CCDC88A: variants seen among roughly 807,000 people sequenced by gnomAD.
CCDC88A encodes the protein girdin.
A neutral mutation model predicts 234.3 loss-of-function variants in CCDC88A; 54 were observed. The observed-to-expected ratio is 0.23, with a 90% CI of 0.19 to 0.29. The LOEUF is 0.29. Ranked by LOEUF, CCDC88A falls within the 10% of genes least tolerant of loss-of-function variation. The pLI is 1.00. For synonymous variants in CCDC88A, 753 were observed against 737.8 expected (o/e 1.02, Z -0.33); for missense variants, 1,832 against 2,123.4 (o/e 0.86, Z 2.70).
intron 3 of CCDC88A, among the ~76,000 whole-genome samples, chr2:55,380,656 C>G (rs1460980481): frequency 2.0e-5 from 3 of 152,112 alleles, no homozygotes; most frequent in African/African-American, 7.2e-5. Context: ...TGCTCTGTCA[C>G]CCAGGCCAGA....
intron 2 of CCDC88A, among the ~76,000 whole-genome samples, chr2:55,409,665 G>A (rs553402968): frequency 4.6e-5 from 7 of 151,086 alleles, no homozygotes; most frequent in African/African-American, 1.2e-4. Context: ...GTCCAACTCC[G>A]GCCCTCCTCG....
In CCDC88A at chr2:55,419,743, A is replaced by AC. The variant is rs1400686862; in HGVS notation, c.-665dup. The AC allele has an allele frequency of 6.6e-6, 1 of 151,114 alleles. No homozygotes were observed. The allele number at this position is 151,114 out of a possible 1,614,324, so 9.4% of individuals were successfully genotyped here. On this transcript the variant is annotated 5_prime_UTR_variant, in exon 1 of 33. Transcript: ENST00000436346. ...GTGGGGGCTTGAATGTGTGTCCCTAACCCCCCAGCTTCCTAAGCCCTGCCA... is the reference window on the plus strand; with the variant it reads ...GTGGGGGCTTGAATGTGTGTCCCTAACCCCCCCAGCTTCCTAAGCCCTGCCA...
intron 25 of CCDC88A, among the ~76,000 whole-genome samples, chr2:55,305,338 T>C (rs1681419537): frequency 6.6e-6 from 1 of 152,206 alleles, no homozygotes; most frequent in African/African-American, 2.4e-5. Flanking sequence ...ATACTGAAAT[T>C]AAGGGAACAT....
chr2:55,359,101 G>C (rs1670961003), intron 7 of CCDC88A, among the ~76,000 whole-genome samples: 1 of 151,986 alleles, frequency 6.6e-6, no homozygotes, highest in African/African-American at 2.4e-5. Context: ...CTCATATTTT[G>C]TACTTACAAA....
At position 55,317,357 on chromosome 2, in the gene CCDC88A, GA is replaced by G. The variant is rs773049643; in HGVS notation, c.3603-9del. Reference sequence around the variant, plus strand: ...TTTAATAACTGATTGTAACTGGGGGGAAAAAAGGCATTTGGTTTATAATATT... The same window carrying G: ...TTTAATAACTGATTGTAACTGGGGGGAAAAAGGCATTTGGTTTATAATATT... On this transcript the variant is annotated splice_polypyrimidine_tract_variant and intron_variant, in intron 20 of 32. Transcript: ENST00000436346. The surrounding 1 kb of genome is among the most constrained non-coding windows in gnomAD (Gnocchi z 4.2). The G allele has an allele frequency of 6.1e-5, 88 of 1,453,452 alleles. No individual in the cohort carries two copies. The highest frequency in any genetic ancestry group is 2.5e-4 in the South Asian group (15 of 59,252). 90.0% of individuals were successfully genotyped at this position (1,453,452 alleles called of 1,614,324 possible).
intron 8 of CCDC88A, among the ~76,000 whole-genome samples, chr2:55,351,084 G>A (rs997490326): frequency 3.3e-5 from 5 of 152,052 alleles, no homozygotes; most frequent in Admixed American, 6.6e-5. Flanking sequence ...ATAAAATCCT[G>A]TGTATTTCAG....
chr2:55,385,808 G>A (rs1359914776), intron 3 of CCDC88A, among the ~76,000 whole-genome samples: 4 of 112,552 alleles, frequency 3.6e-5, no homozygotes, highest in Non-Finnish European at 6.6e-5. Context: ...AGCTGAAATT[G>A]CACCATTGCA....
intron 3 of CCDC88A, among the ~76,000 whole-genome samples, chr2:55,375,517 G>A (rs4407283): frequency 0.037 from 474 of 12,756 alleles, 2 homozygotes; most frequent in Admixed American, 0.049. Flanking sequence ...ATATATGTAT[G>A]TATGTATAAA....
intron 7 of CCDC88A, among the ~76,000 whole-genome samples, chr2:55,357,726 T>C (rs1670781023): frequency 6.6e-6 from 1 of 152,114 alleles, no homozygotes; most frequent in South Asian, 2.1e-4. Context: ...TTTTCTTTTT[T>C]CAACATCTAC....
chr2:55,376,301 A>G (rs1009396002), intron 3 of CCDC88A, among the ~76,000 whole-genome samples: 4 of 152,192 alleles, frequency 2.6e-5, no homozygotes, highest in African/African-American at 7.2e-5. Flanking sequence ...AATTGACTAC[A>G]TGTTCAGATA....
chr2:55,339,744 A>G (rs902075796), intron 12 of CCDC88A, 96 bp from the exon 13 acceptor site: 10 of 839,914 alleles, frequency 1.2e-5, no homozygotes, highest in Admixed American at 3.2e-5. Flanking sequence ...TATGCATTGC[A>G]TCATCTGATC....
intron 18 of CCDC88A, among the ~76,000 whole-genome samples, chr2:55,320,035 ATAT>A (rs1389622013): frequency 1.3e-5 from 2 of 152,258 alleles, no homozygotes; most frequent in African/African-American, 2.4e-5. Context: ...TTTGACCCAC[ATAT>A]TATACCATAA....
intron 2 of CCDC88A, among the ~76,000 whole-genome samples, chr2:55,414,405 G>C (rs1463089166): frequency 6.6e-6 from 1 of 152,186 alleles, no homozygotes; most frequent in African/African-American, 2.4e-5. Context: ...AAAGAAAAAA[G>C]ATTTCAATCC....
intron 3 of CCDC88A, among the ~76,000 whole-genome samples, chr2:55,379,875 C>T (rs1185787239): frequency 4.6e-5 from 7 of 151,336 alleles, no homozygotes; most frequent in South Asian, 2.1e-4. Context: ...ATTGTGCCAT[C>T]GCACTCCAGC....
At chr2:55,357,501 T>C (rs1670749890) in intron 7 of CCDC88A, among the ~76,000 whole-genome samples, 1 of 152,060 alleles carries the variant, frequency 6.6e-6, no homozygotes, top group African/African-American at 2.4e-5. Flanking sequence ...TCCCCTAATT[T>C]TCCTTTTGTT....
chr2:55,414,105 ACTAT>A (rs1359188538), intron 2 of CCDC88A, among the ~76,000 whole-genome samples: 3 of 152,218 alleles, frequency 2.0e-5, no homozygotes, highest in South Asian at 2.1e-4. Flanking sequence ...GCTCTCTATA[ACTAT>A]CTAATAGGGT....
intron 3 of CCDC88A, among the ~76,000 whole-genome samples, chr2:55,385,852 CAAAAAAAAAAAAAAA>C (rs56233901): frequency 6.2e-4 from 39 of 62,478 alleles, no homozygotes; most frequent in African/African-American, 2.4e-3. Context: ...AACTCCATGT[CAAAAAAAAAAAAAAA>C]AAAAAAAAAA....
chr2:55,393,295 T>TTG (rs1553432700), intron 2 of CCDC88A, among the ~76,000 whole-genome samples: 3 of 124,442 alleles, frequency 2.4e-5, no homozygotes, highest in Non-Finnish European at 5.1e-5. Flanking sequence ...TTGGGTTTTT[T>TTG]TTTTTTTTTT....
At chr2:55,395,086 T>TC (rs1349622066) in intron 2 of CCDC88A, among the ~76,000 whole-genome samples, 1 of 152,184 alleles carries the variant, frequency 6.6e-6, no homozygotes, top group Non-Finnish European at 1.5e-5. Flanking sequence ...CCTCAAGTGA[T>TC]CTGCCTGCCT....
Sources: gnomAD v4.1 joint callset for allele counts (sites outside exome capture counted in the v4.1 genomes callset) on GRCh38, gnomAD v4.1.1 for gene constraint, Gnocchi (gnomAD v3.1) non-coding constraint, MANE v1.5 for transcripts, NCBI Gene and HGNC (gene_info 2026-07-23, HGNC 2026-07-21) for gene names.